The following MYO10 variants were observed in gnomAD, a reference collection of about 807,000 sequenced individuals.
MYO10 encodes the protein myosin X.
MYO10 carries 133 observed loss-of-function variants against 257.3 expected under a neutral mutation model. The observed-to-expected ratio is 0.52, with a 90% CI of 0.45 to 0.60. The LOEUF (loss-of-function observed/expected upper bound fraction) is 0.60. Ranked by LOEUF, MYO10 falls within the 20% of genes least tolerant of loss-of-function variation. The pLI, the probability that MYO10 is intolerant of heterozygous loss-of-function variation, is 0.00. For missense variants in MYO10, 2,399 were observed against 2,635.7 expected (o/e 0.91, Z 1.97); for synonymous variants, 1,104 against 1,028.6 (o/e 1.07, Z -1.40).
chr5:16,862,377 T>A (rs929453076), intron 2 of MYO10, among the ~76,000 whole-genome samples: 2 of 152,162 alleles, frequency 1.3e-5, no homozygotes, highest in Non-Finnish European at 2.9e-5. Context: ...AAATGCATTT[T>A]TGAAACGGAA....
At chr5:16,699,334 T>C in intron 26 of MYO10, 116 bp downstream of exon 26, 1 of 1,343,294 alleles carries the variant, frequency 7.4e-7, no homozygotes, top group Non-Finnish European at 1.0e-6. Flanking sequence ...CCAGTCCCCA[T>C]CCATCAGCCC....
chr5:16,670,404 A>G, intron 39 of MYO10, 122 bp downstream of exon 39: 2 of 830,590 alleles, frequency 2.4e-6, no homozygotes, highest in Non-Finnish European at 1.8e-6. Flanking sequence ...GGGGGCTCGA[A>G]TAAAAGAGGT....
intron 19 of MYO10, among the ~76,000 whole-genome samples, chr5:16,714,600 C>T: frequency 6.6e-6 from 1 of 152,084 alleles, no homozygotes; most frequent in South Asian, 2.1e-4. Context: ...GCCAATAAGA[C>T]CAAATGCAGG....
intron 1 of MYO10, among the ~76,000 whole-genome samples, chr5:16,920,501 G>A (rs1284600454): frequency 6.6e-6 from 1 of 152,168 alleles, no homozygotes; most frequent in Non-Finnish European, 1.5e-5. Context: ...GTAGGTGCTG[G>A]GGGTTAGAGG....
Position 16,666,646 on chromosome 5 carries a change from G to C in MYO10, c.*46C>G, listed in dbSNP as rs769616724. 2.0e-6 allele frequency: 3 copies of C among 1,495,696 alleles called. No individual in the cohort carries two copies. The highest frequency in any genetic ancestry group is 1.9e-5 in the Admixed American group (1 of 51,384). 92.7% of individuals were successfully genotyped at this position (1,495,696 alleles called of 1,614,324 possible). On this transcript the variant is annotated 3_prime_UTR_variant, in exon 41 of 41. Coordinates refer to ENST00000513610, the MANE Select transcript of MYO10 (RefSeq NM_012334.3). ...CACACTGGAGCCAGCCTAGGCCAGA[G>C]GGTGGTGCGTTCAGGTAGCAAAGAC...
chr5:16,902,470 C>T (rs1175636498), intron 1 of MYO10: 23 of 1,475,690 alleles, frequency 1.6e-5, no homozygotes, highest in Non-Finnish European at 2.2e-5. Context: ...GCATCGAAGA[C>T]GCTCGCTTCA....
At chr5:16,685,550 TTATTA>T (rs1322559433) in intron 29 of MYO10, among the ~76,000 whole-genome samples, 183 bp downstream of exon 29, 1 of 152,140 alleles carries the variant, frequency 6.6e-6, no homozygotes, top group Non-Finnish European at 1.5e-5. Flanking sequence ...ATTGTACCAC[TTATTA>T]TATTTATTAT....
At chr5:16,743,494 T>C (rs572823716) in intron 19 of MYO10, among the ~76,000 whole-genome samples, 1 of 151,676 alleles carries the variant, frequency 6.6e-6, no homozygotes, top group Non-Finnish European at 1.5e-5. Context: ...AATACAAAAA[T>C]CGGCCAGGCG....
rs79452261 is a variant in MYO10 at position 16,720,337 on chromosome 5, T to C, written c.1930-9092A>G. ...AGAATTTTTTGAAGACTTTATGTCTTATAAGACCAACCTCCACATTGCTAG... is the reference window on the plus strand; with the variant it reads ...AGAATTTTTTGAAGACTTTATGTCTCATAAGACCAACCTCCACATTGCTAG... On this transcript the variant is annotated intron_variant, in intron 19 of 40. Coordinates refer to ENST00000513610, the MANE Select transcript of MYO10 (RefSeq NM_012334.3). Among the ~76,000 whole-genome samples the C allele has an allele frequency of 3.5e-3, 536 of 152,348 alleles. 3 individuals carry two copies. The highest frequency in any genetic ancestry group is 5.5e-3 in the Non-Finnish European group (372 of 68,034).
chr5:16,750,026 T>C (rs1740335609), intron 19 of MYO10, among the ~76,000 whole-genome samples: 1 of 152,104 alleles, frequency 6.6e-6, no homozygotes, highest in South Asian at 2.1e-4. Flanking sequence ...CACTTTTGGG[T>C]ACCACCGCCA....
intron 1 of MYO10, among the ~76,000 whole-genome samples, chr5:16,890,064 G>A (rs1453263278): frequency 6.6e-6 from 1 of 151,716 alleles, no homozygotes; most frequent in Non-Finnish European, 1.5e-5. Context: ...GAACACAGTG[G>A]GAAGAAAATA....
At position 16,699,686 on chromosome 5, in the gene MYO10, C is replaced by G. The variant is rs148561336; in HGVS notation, c.3433-113G>C. The G allele has an allele frequency of 5.8e-4, 796 of 1,382,702 alleles. 3 individuals are homozygous for G. The African/African-American group carries it at 0.01, about 17-fold the overall frequency. The allele number at this position is 1,382,702 out of a possible 1,614,324, so 85.7% of individuals were successfully genotyped here. A position where few individuals can be genotyped will look rare whatever the true frequency, so the allele number is the denominator to read the frequency against. ...TACAAAAATACAGCTACTCAAGAGG[C>G]TGAGGCAGCAGAATCACTCGAACCC... On this transcript the variant is annotated intron_variant, in intron 25 of 40. Transcript: ENST00000513610.
intron 2 of MYO10, among the ~76,000 whole-genome samples, chr5:16,873,486 G>A (rs1391191234): frequency 1.3e-5 from 2 of 152,202 alleles, no homozygotes; most frequent in African/African-American, 4.8e-5. Flanking sequence ...TCTGCGGACT[G>A]GAGGACAGTG....
At chr5:16,766,316 A>C in intron 10 of MYO10, 118 bp from the exon 11 acceptor site, 1 of 723,100 alleles carries the variant, frequency 1.4e-6, no homozygotes, top group Non-Finnish European at 2.4e-6. Context: ...TAGAGATTGC[A>C]TGTTATTGCT....
At chr5:16,752,857 C>A (rs184558314) in intron 19 of MYO10, among the ~76,000 whole-genome samples, 1 of 152,114 alleles carries the variant, frequency 6.6e-6, no homozygotes, top group Non-Finnish European at 1.5e-5. Flanking sequence ...ACACTATGTC[C>A]CCAAAAAAGC....
At chr5:16,923,903 A>G (rs1463737490) in intron 1 of MYO10, among the ~76,000 whole-genome samples, 1 of 152,164 alleles carries the variant, frequency 6.6e-6, no homozygotes, top group Admixed American at 6.5e-5. Flanking sequence ...CAGCCTGGGC[A>G]AAACAAGGAG....
At chr5:16,683,283 G>A (rs906588911) in intron 30 of MYO10, among the ~76,000 whole-genome samples, 1 of 152,106 alleles carries the variant, frequency 6.6e-6, no homozygotes, top group Non-Finnish European at 1.5e-5. Context: ...TTCTGCTGCA[G>A]GCCAGAAGTA....
Position 16,695,061 on chromosome 5 carries a change from C to T in MYO10, c.3557-447G>A, listed in dbSNP as rs143676438. 2.0e-4 allele frequency among the ~76,000 whole-genome samples: 30 copies of T among 152,216 alleles called. No homozygotes were observed. In the East Asian group the frequency reaches 4.8e-3, roughly 25 times the overall value. ...CTTTACCCGTTTTTTGGGCCAGGAG[C>T]GGTGGCTCATGCCTGTAATCCCAGC... On this transcript the variant is annotated intron_variant, in intron 26 of 40. Transcript: ENST00000513610.
chr5:16,787,293 T>C lies in MYO10; in HGVS notation c.468-3824A>G, dbSNP rs932986350. Among the ~76,000 whole-genome samples, 5 of 152,144 alleles carry C rather than the reference T, an allele frequency of 3.3e-5. No homozygotes were observed. In the East Asian group the frequency reaches 5.8e-4, roughly 18 times the overall value. ...GAGGTAAGTGGTGTCTACTCATATA[T>C]TGGGCTGTGGAAGTGTTTTACAAAC... On this transcript the variant is annotated intron_variant, in intron 4 of 40. Transcript: ENST00000513610.
Sources: gnomAD v4.1 joint callset for allele counts (sites outside exome capture counted in the v4.1 genomes callset) on GRCh38, gnomAD v4.1.1 for gene constraint, MANE v1.5 for transcripts, NCBI Gene and HGNC (gene_info 2026-07-23, HGNC 2026-07-21) for gene names.